Variants in DMD observed in about 807,000 individuals in gnomAD.
DMD encodes the protein dystrophin.
Under a neutral mutation model 330.1 loss-of-function variants are expected in DMD, and 63 were observed. The observed-to-expected ratio is 0.19, with a 90% confidence interval of 0.16 to 0.24. The LOEUF is 0.24. Ranked by LOEUF, DMD falls within the 10% of genes least tolerant of loss-of-function variation. The probability of loss-of-function intolerance (pLI) is 1.00; values close to 1 mark genes in which losing one functional copy is unlikely to be tolerated. For synonymous variants in DMD, 1,223 were observed against 959.8 expected (o/e 1.27, Z -5.07); for missense variants, 3,344 against 2,684.1 (o/e 1.25, Z -5.43).
chrX:32,745,275 T>C (rs1458849017), intron 7 of DMD, among the ~76,000 whole-genome samples: 1 of 112,304 alleles, frequency 8.9e-6, no homozygotes, highest in Non-Finnish European at 1.9e-5. Flanking sequence ...AAATGCTCTA[T>C]AAAACTATTG....
intron 47 of DMD, among the ~76,000 whole-genome samples, chrX:31,920,200 T>C (rs1672235782): frequency 8.9e-6 from 1 of 112,352 alleles, no homozygotes. Flanking sequence ...TAAACTCACA[T>C]CTTGATGTAT....
chrX:33,196,921 A>G (rs1404654699), intron 1 of DMD, among the ~76,000 whole-genome samples: 1 of 111,332 alleles, frequency 9.0e-6, no homozygotes, highest in Non-Finnish European at 1.9e-5. Context: ...TCAAGTTACC[A>G]TGCCCGTGGA....
At chrX:32,232,872 G>A (rs1221796887) in intron 43 of DMD, among the ~76,000 whole-genome samples, 2 of 111,628 alleles carry the variant, frequency 1.8e-5, no homozygotes, top group African/African-American at 6.5e-5. Flanking sequence ...GCCGTAGAAA[G>A]AGAAATAAGC....
chrX:32,203,615 C>G (rs982434463), intron 44 of DMD, among the ~76,000 whole-genome samples: 4 of 112,027 alleles, frequency 3.6e-5, no homozygotes, highest in South Asian at 3.7e-4. Context: ...CTGTGGAAAC[C>G]AAGAGGCTTT....
intron 50 of DMD, among the ~76,000 whole-genome samples, chrX:31,813,771 C>T (rs2092531670): frequency 8.9e-6 from 1 of 111,779 alleles, no homozygotes; most frequent in Non-Finnish European, 1.9e-5. Flanking sequence ...CTCCTACAGG[C>T]AGAGAAAGGA....
chrX:32,634,825 G>A (rs1201240532), intron 11 of DMD, among the ~76,000 whole-genome samples: 2 of 112,044 alleles, frequency 1.8e-5, no homozygotes, highest in East Asian at 5.6e-4. Context: ...GGAAGCACAA[G>A]CAGTCCCTTA....
chrX:32,878,101 C>T (rs768927005), intron 2 of DMD, among the ~76,000 whole-genome samples: 4 of 112,297 alleles, frequency 3.6e-5, no homozygotes, highest in Non-Finnish European at 7.5e-5. Context: ...ATGGGCCGGG[C>T]GCGGTGGCTC....
chrX:32,267,301 G>A (rs984487004), intron 43 of DMD, among the ~76,000 whole-genome samples: 4 of 111,189 alleles, frequency 3.6e-5, no homozygotes, highest in South Asian at 3.8e-4. Context: ...TCATCTAATT[G>A]GGCTAGATCT....
intron 68 of DMD, among the ~76,000 whole-genome samples, 169 bp downstream of exon 68, chrX:31,182,569 G>A (rs2041268939): frequency 9.0e-6 from 1 of 111,324 alleles, no homozygotes; most frequent in Admixed American, 9.5e-5. Context: ...AAATAACCTA[G>A]CGATCAGGAG....
chrX:32,088,619 T>C (rs1313422369), intron 44 of DMD, among the ~76,000 whole-genome samples: 2 of 109,296 alleles, frequency 1.8e-5, no homozygotes, highest in Non-Finnish European at 1.9e-5. Context: ...GAAGGGTTGG[T>C]GTTGAGGCAG....
intron 60 of DMD, among the ~76,000 whole-genome samples, chrX:31,377,294 G>A (rs1233433509): frequency 3.6e-5 from 4 of 111,768 alleles, no homozygotes; most frequent in African/African-American, 1.3e-4. Flanking sequence ...GTTATGGGAA[G>A]ATCAACTTCA....
chrX:33,111,350 G>A (rs374615690), intron 1 of DMD, among the ~76,000 whole-genome samples: 4 of 111,431 alleles, frequency 3.6e-5, no homozygotes, highest in African/African-American at 1.3e-4. Flanking sequence ...CTCAATCCAC[G>A]GTTATTTCTT....
chrX:32,429,384 T>G (rs200959956), intron 29 of DMD, among the ~76,000 whole-genome samples: 23 of 72,812 alleles, frequency 3.2e-4, no homozygotes, highest in African/African-American at 7.5e-4. Flanking sequence ...TACTTTTTTT[T>G]GGGTTTTTTT....
intron 12 of DMD, among the ~76,000 whole-genome samples, chrX:32,603,372 T>G (rs1411219808): frequency 1.8e-5 from 2 of 110,937 alleles, no homozygotes; most frequent in Non-Finnish European, 3.8e-5. Context: ...AGTCCTAAGA[T>G]GGAAATTTAT....
intron 57 of DMD, among the ~76,000 whole-genome samples, chrX:31,491,635 T>G (rs1435290302): frequency 8.9e-6 from 1 of 111,967 alleles, no homozygotes; most frequent in Non-Finnish European, 1.9e-5. Flanking sequence ...GTTGTTATGC[T>G]GCCCAGCTGG....
rs376720228 is a variant in DMD, at chrX:31,507,359, T to G, written c.8312A>C (p.Asp2771Ala). Residue 2771 changes from aspartate to alanine, a missense_variant, in exon 56 of 79, where the codon GAT (aspartate) becomes GCT (alanine). Coordinates refer to ENST00000357033, the MANE Select transcript of DMD (RefSeq NM_004006.3). Reference sequence around the variant, plus strand: ...CAAACGTCTTTGTAACAGGACTGCATCATCGGAACCTTCCAGGGATCTCAG... The same window carrying G: ...CAAACGTCTTTGTAACAGGACTGCAGCATCGGAACCTTCCAGGGATCTCAG... The part of the protein sequence containing the change: ...KILRSLEGSD[D>A]AVLLQRRLDN... The G allele has an allele frequency of 2.3e-5, 28 of 1,209,905 alleles. No individual in the cohort carries two copies. The African/African-American group carries it at 3.8e-4, about 17-fold the overall frequency.
At chrX:31,653,871 T>C (rs1254383109) in intron 54 of DMD, among the ~76,000 whole-genome samples, 5 of 111,785 alleles carry the variant, frequency 4.5e-5, no homozygotes, top group African/African-American at 1.6e-4. Context: ...TTTTCCTACA[T>C]AGGTCACAAC....
chrX:31,541,133 C>T (rs1025191952), intron 55 of DMD, among the ~76,000 whole-genome samples: 3 of 111,111 alleles, frequency 2.7e-5, no homozygotes, highest in African/African-American at 9.8e-5. Context: ...AGGTAGCTAC[C>T]GAGCAATTGA....
chrX:31,503,432 C>T (rs1353129768), intron 56 of DMD, among the ~76,000 whole-genome samples: 1 of 112,045 alleles, frequency 8.9e-6, no homozygotes, highest in East Asian at 2.8e-4. Flanking sequence ...CAGAATAGAA[C>T]AGAAGGGAAA....
Sources: gnomAD v4.1 joint callset for allele counts (sites outside exome capture counted in the v4.1 genomes callset) on GRCh38, gnomAD v4.1.1 for gene constraint, MANE v1.5 for transcripts, NCBI Gene and HGNC (gene_info 2026-07-23, HGNC 2026-07-21) for gene names.